The following PRR14 variants were observed in gnomAD, a reference collection of about 807,000 sequenced individuals.
PRR14 encodes the protein proline-rich protein 14.
Under a neutral mutation model 57.2 loss-of-function variants are expected in PRR14, and 33 were observed. The observed-to-expected ratio is 0.58, with a 90% CI of 0.44 to 0.77. PRR14 has a LOEUF of 0.77. Among genes scored for constraint, PRR14 ranks in the 30% least tolerant of loss-of-function variants. The probability of loss-of-function intolerance (pLI) is 0.00; values close to 1 mark genes in which losing one functional copy is unlikely to be tolerated. For missense variants in PRR14, 716 were observed against 788.1 expected (o/e 0.91, Z 1.10); for synonymous variants, 303 against 314.7 (o/e 0.96, Z 0.39).
chr16:30,655,916 T>C lies in PRR14; in HGVS notation c.1455T>C (p.Asn485=). The change falls in exon 11 of 12, where the codon AAT becomes AAC. Residue 485 remains asparagine, a synonymous_variant. Transcript: ENST00000300835. The surrounding 1 kb of genome is among the most constrained non-coding windows in gnomAD (Gnocchi z 4.6). ...TGGAAGAAATTTACACCAACAAGAA[T>C]TACCAATCACCCACAACCAGGAGGT... is the stretch of plus-strand genomic sequence containing the variant. ...FSLEEIYTNK[N]YQSPTTRRTF... 6.2e-7 allele frequency: 1 copy of C among 1,614,096 alleles called. No homozygotes were observed. The highest frequency in any genetic ancestry group is 2.2e-5 in the East Asian group (1 of 44,882).
In PRR14 at chr16:30,651,284, C is replaced by T. The variant is rs1370341061; in HGVS notation, c.-51+157C>T. The T allele has an allele frequency of 3.0e-6, 1 of 337,516 alleles. No individual in the cohort carries two copies. Among genetic ancestry groups the T allele is most frequent in the African/African-American group, 2.1e-5 (1 of 46,784 alleles). 20.9% of individuals were successfully genotyped at this position (337,516 alleles called of 1,614,324 possible). A position where few individuals can be genotyped will look rare whatever the true frequency, so the allele number is the denominator to read the frequency against. ...AAATAGCCTCCCAGGACCGGGATCCCCGTGGATCCCGGGGGATCTCGGGGC... is the reference window on the plus strand; with the variant it reads ...AAATAGCCTCCCAGGACCGGGATCCTCGTGGATCCCGGGGGATCTCGGGGC... On this transcript the variant is annotated intron_variant, in intron 1 of 11. Coordinates refer to ENST00000300835, the MANE Select transcript of PRR14 (RefSeq NM_024031.5). The surrounding 1 kb of genome is among the most constrained non-coding windows in gnomAD (Gnocchi z 5.0).
At position 30,654,179 on chromosome 16, in the gene PRR14, A is replaced by G. The variant is rs114389459; in HGVS notation, c.549-51A>G. Reference sequence around the variant, plus strand: ...TAAGGGATAGGGGAGTTGCTGGCTCAGGTGGGATACCTGGAAGTTCCCCTA... The same window carrying G: ...TAAGGGATAGGGGAGTTGCTGGCTCGGGTGGGATACCTGGAAGTTCCCCTA... On this transcript the variant is annotated intron_variant, in intron 6 of 11. Transcript: ENST00000300835. The G allele has an allele frequency of 2.4e-3, 3,171 of 1,295,882 alleles. 59 individuals carry two copies. The African/African-American group carries it at 0.041, about 17-fold the overall frequency. The allele number at this position is 1,295,882 out of a possible 1,614,324, so 80.3% of individuals were successfully genotyped here.
At chr16:30,652,617 A>G (rs2052324388) in intron 3 of PRR14, 104 bp from the exon 4 acceptor site, 12 of 1,395,716 alleles carry the variant, frequency 8.6e-6, no homozygotes, top group Admixed American at 1.8e-5. Context: ...TCTAGCCCCA[A>G]TCTCTGTTAT....
Position 30,651,811 on chromosome 16 carries a change from G to A in PRR14, c.39G>A (p.Pro13=), listed in dbSNP as rs769352470. ...LPGDSSPPGQ[P]RLCRQPLTRA... ...CACCCTCCAGCCCGCCTGGCCAGCCGCGTCTGTGCCGCCAGCCTCTGACTC... is the reference window on the plus strand; with the variant it reads ...CACCCTCCAGCCCGCCTGGCCAGCCACGTCTGTGCCGCCAGCCTCTGACTC... Residue 13 remains proline, a synonymous_variant, in exon 3 of 12, where the codon CCG becomes CCA. Coordinates refer to ENST00000300835, the MANE Select transcript of PRR14 (RefSeq NM_024031.5). This position sits in a 1 kb window ranked among gnomAD's most constrained non-coding sequence, Gnocchi z 5.0. 3.1e-6 allele frequency: 5 copies of A among 1,606,214 alleles called. No homozygotes were observed. The highest frequency in any genetic ancestry group is 4.5e-5 in the East Asian group (2 of 44,874).
rs184660939 is a variant in PRR14, at chr16:30,655,197, C to T, written c.1227C>T (p.Ser409=). The change falls in exon 8 of 12, where the codon TCC becomes TCT. Residue 409 remains serine, a synonymous_variant. Transcript: ENST00000300835. This position sits in a 1 kb window ranked among gnomAD's most constrained non-coding sequence, Gnocchi z 4.6. ...SCSSTASTSF[S]EPAEPRLGST... is the part of the protein sequence containing the mutation. The stretch of plus-strand genomic sequence containing the variant: ...CGTCCACGGCATCCACTTCCTTCTC[C>T]GAACCAGCAGAACCCAGGTAGTGCT... The T allele has an allele frequency of 2.4e-5, 39 of 1,594,502 alleles. No individual in the cohort carries two copies. Among genetic ancestry groups the T allele is most frequent in the East Asian group, 1.6e-4 (7 of 44,584 alleles).
rs1467313204 is a variant in PRR14, at chr16:30,655,607, T to G, written c.1406+14T>G. Reference sequence around the variant, plus strand: ...TCGACCAATCAGGTGAGGGGCTCACTGGGCATTGAGCCATCTTGGCCAAAC... The same window carrying G: ...TCGACCAATCAGGTGAGGGGCTCACGGGGCATTGAGCCATCTTGGCCAAAC... On this transcript the variant is annotated intron_variant, in intron 10 of 11. Transcript: ENST00000300835. This position sits in a 1 kb window ranked among gnomAD's most constrained non-coding sequence, Gnocchi z 4.6. The G allele has an allele frequency of 3.1e-6, 5 of 1,612,398 alleles. No homozygotes were observed. Among genetic ancestry groups the G allele is most frequent in the Non-Finnish European group, 1.7e-6 (2 of 1,178,486 alleles).
chr16:30,652,734 C>T lies in PRR14; in HGVS notation c.206C>T (p.Pro69Leu), dbSNP rs756887924. 6.2e-7 allele frequency: 1 copy of T among 1,614,150 alleles called. No homozygotes were observed. The highest frequency in any genetic ancestry group is 8.5e-7 in the Non-Finnish European group (1 of 1,180,024). Residue 69 changes from proline (P) to leucine (L), a missense_variant, in exon 4 of 12, where the codon CCC becomes CTC. Physicochemically the swap from Pro to Leu is moderately conservative, Grantham distance 98 (BLOSUM62 -3). Transcript: ENST00000300835. ...VMAVHMVPVV[P>L]SKQTSIPQHH... ...TTTCTCTTCCAGGTCCCCGTGGTGC[C>T]CTCAAAGCAGACCTCCATACCACAG... is the stretch of plus-strand genomic sequence containing the variant.
chr16:30,651,976 G>GA lies in PRR14; in HGVS notation c.192+14dup. 6.6e-7 allele frequency: 1 copy of GA among 1,523,718 alleles called. No homozygotes were observed. The highest frequency in any genetic ancestry group is 2.2e-5 in the Admixed American group (1 of 45,038). The allele number at this position is 1,523,718 out of a possible 1,614,324, so 94.4% of individuals were successfully genotyped here. Reference sequence around the variant, plus strand: ...TGGCTGTTCACATGGTGAGCCCCCTGAACCAAGAGACTCTCTATTCCCCCA... The same window carrying GA: ...TGGCTGTTCACATGGTGAGCCCCCTGAAACCAAGAGACTCTCTATTCCCCCA... On this transcript the variant is annotated intron_variant, in intron 3 of 11. Transcript: ENST00000300835. The surrounding 1 kb of genome is among the most constrained non-coding windows in gnomAD (Gnocchi z 5.0).
At position 30,651,396 on chromosome 16, in the gene PRR14, G is replaced by C; in HGVS notation, c.-50-200G>C. On this transcript the variant is annotated intron_variant, in intron 1 of 11. Coordinates refer to ENST00000300835, the MANE Select transcript of PRR14 (RefSeq NM_024031.5). The surrounding 1 kb of genome is among the most constrained non-coding windows in gnomAD (Gnocchi z 5.0). ...TTCTGGGTTCTGGCGGCAGGTGCCA[G>C]GCAGGGCGCGAGTGATCCGCTGATC... 1 of 482,710 alleles carries C rather than the reference G, an allele frequency of 2.1e-6. No homozygotes were observed. The highest frequency in any genetic ancestry group is 3.1e-5 in the South Asian group (1 of 31,788). The allele number at this position is 482,710 out of a possible 1,614,324, so 29.9% of individuals were successfully genotyped here. A position where few individuals can be genotyped will look rare whatever the true frequency, so the allele number is the denominator to read the frequency against.
rs1247715996 is a variant in PRR14 at position 30,651,563 on chromosome 16, A to AC, written c.-50-27dup. 5.8e-6 allele frequency: 4 copies of AC among 695,114 alleles called. No individual in the cohort carries two copies. The highest frequency in any genetic ancestry group is 3.7e-5 in the South Asian group (2 of 53,662). The allele number at this position is 695,114 out of a possible 1,614,324, so 43.1% of individuals were successfully genotyped here. A position where few individuals can be genotyped will look rare whatever the true frequency, so the allele number is the denominator to read the frequency against. On this transcript the variant is annotated intron_variant, in intron 1 of 11. Transcript: ENST00000300835. This position sits in a 1 kb window ranked among gnomAD's most constrained non-coding sequence, Gnocchi z 5.0. ...AGCCCCAGGGAAGGGGCCGGCCCTC[A>AC]CCCCCCGCTCCCCCGCTCCCCCCTT...
rs1202300572 is a variant in PRR14 at position 30,652,712 on chromosome 16, C to G, written c.193-9C>G. ...ATCACCTTGCTCTTGACACCTCTTT[C>G]TCTTCCAGGTCCCCGTGGTGCCCTC... On this transcript the variant is annotated splice_polypyrimidine_tract_variant and intron_variant, in intron 3 of 11. Transcript: ENST00000300835. The G allele has an allele frequency of 1.9e-6, 3 of 1,614,102 alleles. No homozygotes were observed. The highest frequency in any genetic ancestry group is 2.5e-6 in the Non-Finnish European group (3 of 1,180,042).
At chr16:30,652,550 T>TA in intron 3 of PRR14, 171 bp from the exon 4 acceptor site, 1 of 769,506 alleles carries the variant, frequency 1.3e-6, no homozygotes, top group South Asian at 1.7e-5. Context: ...TTAGGACTCT[T>TA]AATATCTGGC....
At chr16:30,653,547 C>A (rs751786245) in intron 6 of PRR14, 139 bp downstream of exon 6, 90 of 887,644 alleles carry the variant, frequency 1.0e-4, no homozygotes, top group Non-Finnish European at 1.4e-4. Flanking sequence ...CCGGGCACGC[C>A]CATGCCTAAT....
chr16:30,651,984 A>G lies in PRR14; in HGVS notation c.192+20A>G. The G allele has an allele frequency of 2.6e-6, 4 of 1,522,184 alleles. No homozygotes were observed. Among genetic ancestry groups the G allele is most frequent in the Non-Finnish European group, 3.5e-6 (4 of 1,137,944 alleles). 94.3% of individuals were successfully genotyped at this position (1,522,184 alleles called of 1,614,324 possible). On this transcript the variant is annotated intron_variant, in intron 3 of 11. Coordinates refer to ENST00000300835, the MANE Select transcript of PRR14 (RefSeq NM_024031.5). This position sits in a 1 kb window ranked among gnomAD's most constrained non-coding sequence, Gnocchi z 5.0. ...CACATGGTGAGCCCCCTGAACCAAGAGACTCTCTATTCCCCCATGACTTTC... is the reference window on the plus strand; with the variant it reads ...CACATGGTGAGCCCCCTGAACCAAGGGACTCTCTATTCCCCCATGACTTTC...
At chr16:30,653,909 C>T (rs1461680323) in intron 6 of PRR14, among the ~76,000 whole-genome samples, 1 of 152,190 alleles carries the variant, frequency 6.6e-6, no homozygotes, top group Non-Finnish European at 1.5e-5. Context: ...GGTGATCCAC[C>T]CACCTCGGCC....
At chr16:30,653,171 G>A (rs1240781395) in intron 5 of PRR14, 68 bp downstream of exon 5, 1 of 1,495,826 alleles carries the variant, frequency 6.7e-7, no homozygotes, top group Non-Finnish European at 9.1e-7. Context: ...AGGGTAGGAG[G>A]CCTGAGTCTT....
Position 30,654,431 on chromosome 16 carries a change from C to A in PRR14, c.658+92C>A, listed in dbSNP as rs188289969. ...GTCAGGTACAGAGTTGGGGATAGGG[C>A]TTAAGCCACCTCCCAGGGCAGGGCT... On this transcript the variant is annotated intron_variant, in intron 7 of 11. Coordinates refer to ENST00000300835, the MANE Select transcript of PRR14 (RefSeq NM_024031.5). 93 of 1,122,486 alleles carry A rather than the reference C, an allele frequency of 8.3e-5. No homozygotes were observed. The African/African-American group carries it at 1.2e-3, about 15-fold the overall frequency. The allele number at this position is 1,122,486 out of a possible 1,614,324, so 69.5% of individuals were successfully genotyped here.
At chr16:30,653,311 G>A in intron 5 of PRR14, 54 bp from the exon 6 acceptor site, 1 of 1,573,686 alleles carries the variant, frequency 6.4e-7, no homozygotes, top group Non-Finnish European at 8.7e-7. Flanking sequence ...TCAGGATGTG[G>A]GGCACTAAGG....
chr16:30,651,602 G>A lies in PRR14; in HGVS notation c.-44G>A. On this transcript the variant is annotated 5_prime_UTR_variant, in exon 2 of 12. Transcript: ENST00000300835. This position sits in a 1 kb window ranked among gnomAD's most constrained non-coding sequence, Gnocchi z 5.0. ...CGCTCCCCCCTTACCCCAGGCCGCA[G>A]CCTGGGATTCCCCAGGGACCCCCCC... is the stretch of plus-strand genomic sequence containing the variant. The A allele has an allele frequency of 1.5e-6, 2 of 1,357,436 alleles. No individual in the cohort carries two copies. Among genetic ancestry groups the A allele is most frequent in the Non-Finnish European group, 2.0e-6 (2 of 1,011,986 alleles). The allele number at this position is 1,357,436 out of a possible 1,614,324, so 84.1% of individuals were successfully genotyped here.
Sources: gnomAD v4.1 joint callset for allele counts (sites outside exome capture counted in the v4.1 genomes callset) on GRCh38, gnomAD v4.1.1 for gene constraint, Gnocchi (gnomAD v3.1) non-coding constraint, MANE v1.5 for transcripts, NCBI Gene and HGNC (gene_info 2026-07-23, HGNC 2026-07-21) for gene names.